The following ORC4 variants were observed in gnomAD, a reference collection of about 807,000 sequenced individuals.
The protein encoded by ORC4 is origin recognition complex subunit 4.
Under a neutral mutation model 63.9 loss-of-function variants are expected in ORC4, and 55 were observed. The ratio of observed to expected loss-of-function variants is 0.86; its 90% CI spans 0.69 to 1.08. ORC4 has a LOEUF of 1.08. ORC4 is among the 50% of genes least tolerant of loss of function. ORC4 has a pLI of 0.00. For missense variants in ORC4, 511 were observed against 504.4 expected, an observed-to-expected ratio of 1.01 and a Z score of -0.13; for synonymous variants, 150 against 168.5, an observed-to-expected ratio of 0.89 and a Z score of 0.85.
chr2:147,950,005 G>A (rs1163899802), intron 8 of ORC4, among the ~76,000 whole-genome samples: 1 of 152,148 alleles, frequency 6.6e-6, no homozygotes, highest in Non-Finnish European at 1.5e-5. Flanking sequence ...TGGGATCATG[G>A]TTAGTTTGGG....
chr2:147,966,600 C>A lies in ORC4; in HGVS notation c.225+6139G>T, dbSNP rs139827496. On this transcript the variant is annotated intron_variant, in intron 4 of 13. Transcript: ENST00000392857. Reference sequence around the variant, plus strand: ...ACTATACATCAATAAATTACAAAACCTAAAGGAAATGGTTAAGTTCCTGGA... The same window carrying A: ...ACTATACATCAATAAATTACAAAACATAAAGGAAATGGTTAAGTTCCTGGA... Among the ~76,000 whole-genome samples, 649 of 152,114 alleles carry A rather than the reference C, an allele frequency of 4.3e-3. 2 individuals are homozygous for A. The highest frequency in any genetic ancestry group is 0.014 in the Middle Eastern group (4 of 294).
At chr2:148,012,268 A>G (rs1048772133) in intron 1 of ORC4, among the ~76,000 whole-genome samples, 1 of 152,210 alleles carries the variant, frequency 6.6e-6, no homozygotes, top group Non-Finnish European at 1.5e-5. Context: ...ATGTAGAACA[A>G]CAGAACAGAG....
chr2:148,009,908 G>A (rs1692846484), intron 1 of ORC4, among the ~76,000 whole-genome samples: 1 of 152,032 alleles, frequency 6.6e-6, no homozygotes, highest in Non-Finnish European at 1.5e-5. Context: ...TAAAAACATA[G>A]ATAGACCAAA....
intron 6 of ORC4, among the ~76,000 whole-genome samples, chr2:147,955,991 T>G (rs181291640): frequency 6.6e-6 from 1 of 152,050 alleles, no homozygotes; most frequent in South Asian, 2.1e-4. Flanking sequence ...AGCCAAAACA[T>G]TTTTGGATAC....
intron 1 of ORC4, among the ~76,000 whole-genome samples, chr2:148,008,955 A>G (rs1242726839): frequency 6.6e-6 from 1 of 151,674 alleles, no homozygotes; most frequent in Non-Finnish European, 1.5e-5. Context: ...ATCAAAAAAA[A>G]ACTACTCCAA....
intron 1 of ORC4, among the ~76,000 whole-genome samples, chr2:148,010,744 G>A (rs527916358): frequency 6.6e-6 from 1 of 151,912 alleles, no homozygotes; most frequent in Admixed American, 6.6e-5. Flanking sequence ...TGGCTTCACT[G>A]AGTTCTACCA....
rs1271836121 is a variant in ORC4, at chr2:147,931,033, A to T, written c.*4477T>A. The T allele has an allele frequency of 7.2e-6, 1 of 138,196 alleles. No individual in the cohort carries two copies. Among genetic ancestry groups the T allele is most frequent in the Non-Finnish European group, 1.6e-5 (1 of 64,056 alleles). The allele number at this position is 138,196 out of a possible 1,614,324, so 8.6% of individuals were successfully genotyped here. On this transcript the variant is annotated 3_prime_UTR_variant, in exon 14 of 14. Transcript: ENST00000392857. ...CCCCCCACCCCACAACAGTCCCCAG[A>T]GTGTGATATTCCCCTTCCTGTGTCC...
intron 1 of ORC4, among the ~76,000 whole-genome samples, chr2:148,008,523 C>A (rs984358252): frequency 1.2e-4 from 18 of 152,156 alleles, no homozygotes; most frequent in African/African-American, 4.3e-4. Flanking sequence ...TTAAACTTAA[C>A]TTCCTCGTAA....
At chr2:147,950,546 C>A (rs1249956228) in intron 8 of ORC4, among the ~76,000 whole-genome samples, 1 of 152,020 alleles carries the variant, frequency 6.6e-6, no homozygotes, top group African/African-American at 2.4e-5. Context: ...GGGGGTAGAT[C>A]ACGAGGTCAG....
At chr2:147,992,505 G>A (rs1206506752) in intron 1 of ORC4, among the ~76,000 whole-genome samples, 1 of 152,064 alleles carries the variant, frequency 6.6e-6, no homozygotes, top group Non-Finnish European at 1.5e-5. Flanking sequence ...GGGTGAGAAG[G>A]CACATGTAGA....
chr2:147,961,811 G>A (rs1032683451), intron 4 of ORC4, among the ~76,000 whole-genome samples: 5 of 152,204 alleles, frequency 3.3e-5, no homozygotes, highest in Non-Finnish European at 7.3e-5. Context: ...TAAATACTAT[G>A]ATTTAATGCT....
chr2:147,999,252 A>G (rs1692157802), intron 1 of ORC4, among the ~76,000 whole-genome samples: 1 of 152,158 alleles, frequency 6.6e-6, no homozygotes, highest in Non-Finnish European at 1.5e-5. Flanking sequence ...AGACAGAAGA[A>G]ATCTACCCTG....
At chr2:147,943,395 A>T in intron 10 of ORC4, 41 bp downstream of exon 10, 1 of 1,370,724 alleles carries the variant, frequency 7.3e-7, no homozygotes, top group Non-Finnish European at 1.0e-6. Context: ...TATTAAAAAC[A>T]AAAACAAAGC....
At chr2:147,945,953 T>C (rs2105279884) in intron 9 of ORC4, among the ~76,000 whole-genome samples, 1 of 152,190 alleles carries the variant, frequency 6.6e-6, no homozygotes, top group Non-Finnish European at 1.5e-5. Context: ...AAGAAAATAT[T>C]AGAACTCAGA....
Position 147,931,503 on chromosome 2 carries a change from T to G in ORC4, c.*4007A>C, listed in dbSNP as rs1687733281. 6.6e-6 allele frequency: 1 copy of G among 152,022 alleles called. No individual in the cohort carries two copies. The highest frequency in any genetic ancestry group is 1.5e-5 in the Non-Finnish European group (1 of 68,014). The allele number at this position is 152,022 out of a possible 1,614,324, so 9.4% of individuals were successfully genotyped here. On this transcript the variant is annotated 3_prime_UTR_variant, in exon 14 of 14. Coordinates refer to ENST00000392857, the MANE Select transcript of ORC4 (RefSeq NM_181741.4). Reference sequence around the variant, plus strand: ...GTGAAAGTGTTCCTATTTCTCCACATCCTCTCCAGCACCTGTTGTTTCCTG... The same window carrying G: ...GTGAAAGTGTTCCTATTTCTCCACAGCCTCTCCAGCACCTGTTGTTTCCTG...
intron 1 of ORC4, among the ~76,000 whole-genome samples, chr2:147,981,444 A>G (rs58288407): frequency 1.3e-5 from 2 of 152,334 alleles, no homozygotes; most frequent in African/African-American, 4.8e-5. Flanking sequence ...TCCATTTAAT[A>G]TTTTGGAACT....
chr2:147,989,686 C>T (rs1691457647), intron 1 of ORC4, among the ~76,000 whole-genome samples: 1 of 151,928 alleles, frequency 6.6e-6, no homozygotes, highest in Non-Finnish European at 1.5e-5. Flanking sequence ...CCCACCAGGG[C>T]AATAGGGCGA....
chr2:148,018,107 CAAAA>C (rs1196537587), intron 1 of ORC4, among the ~76,000 whole-genome samples: 1 of 151,866 alleles, frequency 6.6e-6, no homozygotes, highest in African/African-American at 2.4e-5. Flanking sequence ...AACAAACAAA[CAAAA>C]AAACCTCCCA....
intron 1 of ORC4, among the ~76,000 whole-genome samples, chr2:148,011,492 C>T (rs2105465402): frequency 6.6e-6 from 1 of 152,224 alleles, no homozygotes; most frequent in Middle Eastern, 3.4e-3. Flanking sequence ...TAAAGCCATA[C>T]ACAACAAACC....
Sources: allele counts gnomAD v4.1 joint callset (sites outside exome capture counted in the v4.1 genomes callset), GRCh38; gene constraint gnomAD v4.1.1; transcripts MANE v1.5; gene names NCBI Gene and HGNC (gene_info 2026-07-23, HGNC 2026-07-21).